Variants in SLC8A1 observed in about 807,000 individuals in gnomAD.
SLC8A1 encodes solute carrier family 8 member A1.
Under a neutral mutation model 68.3 loss-of-function variants are expected in SLC8A1, and 18 were observed. The ratio of observed to expected loss-of-function variants is 0.26; its 90% CI spans 0.18 to 0.39. SLC8A1 has a LOEUF of 0.39. SLC8A1 is among the 10% of genes least tolerant of loss of function. The pLI is 1.00. For synonymous variants in SLC8A1, 475 were observed against 415.5 expected, an observed-to-expected ratio of 1.14 and a Z score of -1.74; for missense variants, 985 against 1,156.7, an observed-to-expected ratio of 0.85 and a Z score of 2.15.
At chr2:40,387,411 TA>T (rs980179404) in intron 2 of SLC8A1, among the ~76,000 whole-genome samples, 2 of 151,366 alleles carry the variant, frequency 1.3e-5, no homozygotes, top group Non-Finnish European at 2.9e-5. Flanking sequence ...ATGAACTGGC[TA>T]AAGTTTCCAA....
intron 1 of SLC8A1, among the ~76,000 whole-genome samples, chr2:40,508,978 G>C (rs1291241121): frequency 6.6e-6 from 1 of 152,264 alleles, no homozygotes; most frequent in Non-Finnish European, 1.5e-5. Context: ...AATCAGAGTT[G>C]ATAACCACGG....
Position 40,217,656 on chromosome 2 carries a change from C to G in SLC8A1, c.1809-39801G>C, listed in dbSNP as rs144385881. Among the ~76,000 whole-genome samples, 151 of 152,218 alleles carry G rather than the reference C, an allele frequency of 9.9e-4. 1 individual carries two copies. Among genetic ancestry groups the G allele is most frequent in the African/African-American group, 3.5e-3 (144 of 41,528 alleles). On this transcript the variant is annotated intron_variant, in intron 2 of 7. Coordinates refer to ENST00000406785, the Ensembl canonical transcript of SLC8A1. ...GAGTGAACTGTAATGTCAACCTCTA[C>G]CCTAGACAATGAGTAGGAACCATAT...
intron 1 of SLC8A1, among the ~76,000 whole-genome samples, chr2:40,493,775 C>T (rs1362998995): frequency 6.6e-6 from 1 of 151,836 alleles, no homozygotes; most frequent in African/African-American, 2.4e-5. Context: ...CTGCCTCAGC[C>T]TCCTGAGTAG....
At chr2:40,171,966 G>A (rs1208595163) in intron 4 of SLC8A1, among the ~76,000 whole-genome samples, 1 of 152,196 alleles carries the variant, frequency 6.6e-6, no homozygotes, top group Non-Finnish European at 1.5e-5. Flanking sequence ...GTATTAGGCT[G>A]TGGATCAGAC....
chr2:40,301,626 A>G (rs2071472483), intron 2 of SLC8A1, among the ~76,000 whole-genome samples: 1 of 152,224 alleles, frequency 6.6e-6, no homozygotes, highest in Non-Finnish European at 1.5e-5. Flanking sequence ...ATAAAAGACT[A>G]CAAATTGGGG....
chr2:40,416,240 T>C (rs564008206), intron 2 of SLC8A1, among the ~76,000 whole-genome samples: 3 of 152,108 alleles, frequency 2.0e-5, no homozygotes, highest in African/African-American at 4.8e-5. Context: ...CCTAAATACA[T>C]TGTGACAGGA....
intron 2 of SLC8A1, among the ~76,000 whole-genome samples, chr2:40,191,977 G>T (rs1266689805): frequency 2.6e-5 from 4 of 152,094 alleles, no homozygotes; most frequent in South Asian, 2.1e-4. Flanking sequence ...ATTTGCATTT[G>T]CAATAGAGTT....
intron 2 of SLC8A1, among the ~76,000 whole-genome samples, chr2:40,363,534 T>G (rs541241611): frequency 6.6e-6 from 1 of 152,076 alleles, no homozygotes; most frequent in Non-Finnish European, 1.5e-5. Flanking sequence ...ACAAAAGCTA[T>G]CATTATTATT....
intron 2 of SLC8A1, among the ~76,000 whole-genome samples, chr2:40,387,850 T>C (rs746397458): frequency 4.0e-5 from 6 of 150,314 alleles, no homozygotes; most frequent in Non-Finnish European, 8.8e-5. Context: ...GACATGAGAA[T>C]TGTTTGAACC....
intron 2 of SLC8A1, among the ~76,000 whole-genome samples, chr2:40,217,623 CTACTT>C (rs1439240748): frequency 1.3e-5 from 2 of 152,062 alleles, no homozygotes. Context: ...CAGAGGATTC[CTACTT>C]TAGAGTGAAC....
chr2:40,287,357 G>A (rs757279644), intron 2 of SLC8A1, among the ~76,000 whole-genome samples: 4 of 152,074 alleles, frequency 2.6e-5, no homozygotes, highest in Non-Finnish European at 4.4e-5. Flanking sequence ...AAAATATGTT[G>A]GCAGCAGTCT....
intron 2 of SLC8A1, among the ~76,000 whole-genome samples, chr2:40,227,192 G>C (rs2059088957): frequency 6.6e-6 from 1 of 152,016 alleles, no homozygotes; most frequent in Non-Finnish European, 1.5e-5. Flanking sequence ...ACTTCTTTAT[G>C]GTTCTTTGTT....
At chr2:40,415,516 C>T (rs1693539379) in intron 2 of SLC8A1, among the ~76,000 whole-genome samples, 1 of 152,028 alleles carries the variant, frequency 6.6e-6, no homozygotes. Flanking sequence ...TCTTCCATTG[C>T]CACTAATCTA....
chr2:40,151,268 CGTGTGT>C (rs3059326), intron 6 of SLC8A1, among the ~76,000 whole-genome samples: 3 of 150,894 alleles, frequency 2.0e-5, no homozygotes, highest in South Asian at 4.2e-4. Context: ...GTGTATGGTG[CGTGTGT>C]GTGTGTGTGT....
chr2:40,233,737 G>A (rs1259436017), intron 2 of SLC8A1, among the ~76,000 whole-genome samples: 11 of 150,810 alleles, frequency 7.3e-5, no homozygotes, highest in East Asian at 3.9e-4. Context: ...TAGGTCTAAC[G>A]TTTAAGTCTT....
intron 6 of SLC8A1, among the ~76,000 whole-genome samples, chr2:40,154,837 T>A (rs2044170982): frequency 6.6e-6 from 1 of 151,682 alleles, no homozygotes. Flanking sequence ...GCTAATTTTT[T>A]ATTTTTTTGT....
chr2:40,185,730 T>G (rs1346924754), intron 2 of SLC8A1, among the ~76,000 whole-genome samples: 1 of 152,214 alleles, frequency 6.6e-6, no homozygotes. Context: ...TTGTATATTT[T>G]AAATGGTTGA....
chr2:40,176,463 G>A (rs183057305), intron 3 of SLC8A1, among the ~76,000 whole-genome samples: 470 of 152,204 alleles, frequency 3.1e-3, no homozygotes, highest in Non-Finnish European at 5.5e-3. Flanking sequence ...CATCTTTTAA[G>A]AAATCAGCAT....
intron 2 of SLC8A1, among the ~76,000 whole-genome samples, chr2:40,307,896 A>G (rs2072961300): frequency 6.6e-6 from 1 of 152,188 alleles, no homozygotes; most frequent in South Asian, 2.1e-4. Context: ...ATCATGTAAC[A>G]TTCTAAATAG....
Sources: gnomAD v4.1 joint callset for allele counts (sites outside exome capture counted in the v4.1 genomes callset) on GRCh38, gnomAD v4.1.1 for gene constraint, MANE v1.5 for transcripts, NCBI Gene and HGNC (gene_info 2026-07-23, HGNC 2026-07-21) for gene names.